Variants in CAMK1D observed in about 807,000 individuals in gnomAD.
CAMK1D encodes calcium/calmodulin dependent protein kinase ID, also known as calcium/calmodulin-dependent protein kinase type 1D.
In CAMK1D, 9 loss-of-function variants were observed where a neutral mutation model predicts 47.7. The observed-to-expected ratio is 0.19, with a 90% CI of 0.11 to 0.33. The LOEUF is 0.33. CAMK1D is among the 10% of genes least tolerant of loss of function. The probability of loss-of-function intolerance (pLI) is 1.00; values close to 1 mark genes in which losing one functional copy is unlikely to be tolerated. For synonymous variants in CAMK1D, 184 were observed against 184.9 expected (o/e 0.99, Z 0.04); for missense variants, 291 against 488.7 (o/e 0.60, Z 3.81).
At chr10:12,537,910 A>G (rs1348538840) in intron 1 of CAMK1D, among the ~76,000 whole-genome samples, 1 of 152,134 alleles carries the variant, frequency 6.6e-6, no homozygotes, top group African/African-American at 2.4e-5. Flanking sequence ...AATTTAATCA[A>G]CCTGAATTCT....
At chr10:12,356,885 C>T (rs1394119796) in intron 1 of CAMK1D, among the ~76,000 whole-genome samples, 2 of 152,232 alleles carry the variant, frequency 1.3e-5, no homozygotes, top group South Asian at 2.1e-4. Flanking sequence ...CGAACTTGGC[C>T]ACTGAATGGA....
At chr10:12,805,008 C>T (rs370899641) in intron 6 of CAMK1D, among the ~76,000 whole-genome samples, 1 of 149,548 alleles carries the variant, frequency 6.7e-6, no homozygotes, top group African/African-American at 2.5e-5. Flanking sequence ...CGCCTATAAT[C>T]CCAGCACTTT....
rs1836650359 is a variant in CAMK1D, at chr10:12,553,357, G to C, written c.224+1G>C. ...AGAATGAGATAGCCGTCCTGAGAAA[G>C]TAAGTGCTGGAGGGCAACCCTCCTC... On this transcript the variant is annotated splice_donor_variant, in intron 2 of 10. Transcript: ENST00000619168. LOFTEE classifies it high-confidence loss of function. 1 of 1,608,216 alleles carries C rather than the reference G, an allele frequency of 6.2e-7. No homozygotes were observed. The highest frequency in any genetic ancestry group is 1.3e-5 in the African/African-American group (1 of 74,780).
chr10:12,350,559 T>C (rs1475859621), intron 1 of CAMK1D, among the ~76,000 whole-genome samples: 2 of 115,358 alleles, frequency 1.7e-5, no homozygotes. Flanking sequence ...TGCGCGTCGC[T>C]GCGCGGGCGG....
At chr10:12,823,133 T>A (rs1833070573) in intron 8 of CAMK1D, among the ~76,000 whole-genome samples, 2 of 152,208 alleles carry the variant, frequency 1.3e-5, no homozygotes, top group Admixed American at 6.5e-5. Context: ...TGTCTGAATA[T>A]GCCTGAGCCG....
chr10:12,801,358 C>CT (rs1244758667), intron 6 of CAMK1D, among the ~76,000 whole-genome samples: 9,122 of 109,738 alleles, frequency 0.083, 322 homozygotes, highest in Middle Eastern at 0.11. Context: ...TCTATCTTAT[C>CT]TATCTATCTA....
chr10:12,710,111 T>C (rs928924301), intron 3 of CAMK1D, among the ~76,000 whole-genome samples: 31 of 152,366 alleles, frequency 2.0e-4, no homozygotes, highest in African/African-American at 7.2e-4. Context: ...TTAAATGAAA[T>C]ACTATATAAA....
At chr10:12,811,037 ACC>A (rs1385214375) in intron 6 of CAMK1D, among the ~76,000 whole-genome samples, 7 of 152,296 alleles carry the variant, frequency 4.6e-5, no homozygotes, top group Non-Finnish European at 8.8e-5. Flanking sequence ...TAGAAGACAG[ACC>A]CGAAGCTGGG....
intron 1 of CAMK1D, among the ~76,000 whole-genome samples, chr10:12,545,360 G>T (rs992169158): frequency 1.3e-5 from 2 of 149,558 alleles, no homozygotes; most frequent in Non-Finnish European, 3.0e-5. Context: ...TGAGGCAGGA[G>T]AATTGCTTGA....
intron 2 of CAMK1D, among the ~76,000 whole-genome samples, chr10:12,617,554 G>C (rs1838861101): frequency 6.6e-6 from 1 of 152,198 alleles, no homozygotes; most frequent in Non-Finnish European, 1.5e-5. Context: ...TGTATTTTCT[G>C]CTTTCGGGGG....
intron 2 of CAMK1D, among the ~76,000 whole-genome samples, chr10:12,583,155 T>C (rs1367768029): frequency 6.6e-5 from 10 of 152,082 alleles, no homozygotes; most frequent in Non-Finnish European, 1.5e-4. Context: ...TATCTAGTAT[T>C]GGAATGAGGA....
chr10:12,456,069 C>A (rs1351563376), intron 1 of CAMK1D, among the ~76,000 whole-genome samples: 1 of 152,130 alleles, frequency 6.6e-6, no homozygotes, highest in Non-Finnish European at 1.5e-5. Context: ...TGGGAAAGAA[C>A]CCTTTATCGC....
chr10:12,797,179 G>C (rs1838232114), intron 6 of CAMK1D, among the ~76,000 whole-genome samples: 2 of 150,166 alleles, frequency 1.3e-5, no homozygotes, highest in Admixed American at 6.7e-5. Flanking sequence ...TGGCTGGGTA[G>C]CACAGCTGAC....
chr10:12,776,262 CA>C (rs1174315840), intron 5 of CAMK1D, among the ~76,000 whole-genome samples: 4 of 152,202 alleles, frequency 2.6e-5, no homozygotes, highest in Non-Finnish European at 5.9e-5. Context: ...AAGGATAATT[CA>C]AAGGTTTTTG....
intron 2 of CAMK1D, among the ~76,000 whole-genome samples, chr10:12,609,127 G>A (rs1393488162): frequency 1.3e-5 from 2 of 152,198 alleles, no homozygotes; most frequent in African/African-American, 2.4e-5. Context: ...CTGTAAAAAC[G>A]GGCATTACCC....
intron 3 of CAMK1D, among the ~76,000 whole-genome samples, chr10:12,689,995 G>A (rs909466519): frequency 2.0e-5 from 3 of 152,168 alleles, no homozygotes; most frequent in African/African-American, 7.2e-5. Context: ...GAGATTGTCG[G>A]TGCTGGCAAA....
At chr10:12,566,041 C>T (rs1172021653) in intron 2 of CAMK1D, among the ~76,000 whole-genome samples, 1 of 152,120 alleles carries the variant, frequency 6.6e-6, no homozygotes, top group Non-Finnish European at 1.5e-5. Flanking sequence ...GCTTTAGAAG[C>T]TACTTGACCT....
rs377410191 is a variant in CAMK1D, at chr10:12,828,755, G to C, written c.1040-14G>C. The C allele has an allele frequency of 9.3e-5, 149 of 1,603,490 alleles. No homozygotes were observed. Among genetic ancestry groups the C allele is most frequent in the Non-Finnish European group, 1.3e-4 (147 of 1,171,382 alleles). ...CTCTGAAACTCTGAAGCCCACTTCT[G>C]CTGTTCCCTGCAGGTCTGGCACCTT... On this transcript the variant is annotated splice_polypyrimidine_tract_variant and intron_variant, in intron 10 of 10. Coordinates refer to ENST00000619168, the MANE Select transcript of CAMK1D (RefSeq NM_153498.4).
intron 3 of CAMK1D, among the ~76,000 whole-genome samples, chr10:12,733,700 C>T (rs915137155): frequency 1.3e-5 from 2 of 152,134 alleles, no homozygotes; most frequent in Non-Finnish European, 2.9e-5. Flanking sequence ...GCCATACACC[C>T]GAATCCAATT....
Sources: allele counts gnomAD v4.1 joint callset (sites outside exome capture counted in the v4.1 genomes callset), GRCh38; gene constraint gnomAD v4.1.1; transcripts MANE v1.5; gene names NCBI Gene and HGNC (gene_info 2026-07-23, HGNC 2026-07-21).